The following DNMT1 variants were observed in gnomAD, a reference collection of about 807,000 sequenced individuals.
DNMT1 encodes DNA methyltransferase 1.
In DNMT1, 24 loss-of-function variants were observed where a neutral mutation model predicts 205.3. The ratio of observed to expected loss-of-function variants is 0.12; its 90% CI spans 0.08 to 0.16. The LOEUF (loss-of-function observed/expected upper bound fraction) is 0.16, where lower values mean the gene tolerates loss of function less well. DNMT1 is among the 10% of genes least tolerant of loss of function. The pLI is 1.00. For synonymous variants in DNMT1, 817 were observed against 839.8 expected (o/e 0.97, Z 0.47); for missense variants, 1,293 against 2,177.7 (o/e 0.59, Z 8.09).
chr19:10,145,534 T>G (rs1315288015), intron 28 of DNMT1, among the ~76,000 whole-genome samples: 4 of 152,186 alleles, frequency 2.6e-5, no homozygotes, highest in African/African-American at 9.7e-5. Flanking sequence ...TGGATCAGTG[T>G]GGAAACGATC....
chr19:10,141,437 G>A (rs1286810377), intron 30 of DNMT1: 2 of 510,758 alleles, frequency 3.9e-6, no homozygotes, highest in South Asian at 4.1e-5. Context: ...GTACCTTCTA[G>A]AACAGGAAAA....
intron 30 of DNMT1, chr19:10,141,404 A>G (rs896100716): frequency 2.3e-5 from 13 of 574,144 alleles, no homozygotes; most frequent in Admixed American, 2.2e-4. Flanking sequence ...TGACACTGAA[A>G]TGCCTATTAC....
rs1241869006 is a variant in DNMT1 at position 10,140,700 on chromosome 19, C to T, written c.3523+81G>A. The stretch of plus-strand genomic sequence containing the variant: ...GAGATTCTTGAGTCAGGAAGGTGAC[C>T]GGGGTTGGAAGTCGTTTCAGGTAGC... On this transcript the variant is annotated intron_variant, in intron 32 of 40. Coordinates refer to ENST00000359526, the MANE Select transcript of DNMT1 (RefSeq NM_001130823.3). The surrounding 1 kb of genome is among the most constrained non-coding windows in gnomAD (Gnocchi z 8.4). The T allele has an allele frequency of 9.9e-6, 16 of 1,609,606 alleles. No homozygotes were observed. The highest frequency in any genetic ancestry group is 5.3e-5 in the African/African-American group (4 of 74,856).
chr19:10,186,920 AAGAG>A (rs1319222469), intron 1 of DNMT1, among the ~76,000 whole-genome samples: 1 of 151,786 alleles, frequency 6.6e-6, no homozygotes, highest in African/African-American at 2.4e-5. Context: ...CGGGATTCCC[AAGAG>A]AAAGGGTATA....
At position 10,137,723 on chromosome 19, in the gene DNMT1, G is replaced by A; in HGVS notation, c.4293+109C>T. On this transcript the variant is annotated intron_variant, in intron 36 of 40. Coordinates refer to ENST00000359526, the MANE Select transcript of DNMT1 (RefSeq NM_001130823.3). The surrounding 1 kb of genome is among the most constrained non-coding windows in gnomAD (Gnocchi z 6.4). ...AAAGGCTGAGGACTCGGGAGGAGGAGCCTGGGATCAGATTCCATGTCTCCC... is the reference window on the plus strand; with the variant it reads ...AAAGGCTGAGGACTCGGGAGGAGGAACCTGGGATCAGATTCCATGTCTCCC... 7.0e-7 allele frequency: 1 copy of A among 1,432,326 alleles called. No homozygotes were observed. Among genetic ancestry groups the A allele is most frequent in the Non-Finnish European group, 9.6e-7 (1 of 1,042,706 alleles). The allele number at this position is 1,432,326 out of a possible 1,614,324, so 88.7% of individuals were successfully genotyped here. A position where few individuals can be genotyped will look rare whatever the true frequency, so the allele number is the denominator to read the frequency against.
chr19:10,153,786 GC>G (rs2038398968), intron 22 of DNMT1, among the ~76,000 whole-genome samples: 1 of 152,158 alleles, frequency 6.6e-6, no homozygotes, highest in Admixed American at 6.6e-5. Context: ...CAAAAGCAAA[GC>G]CCTGAAGCCA....
chr19:10,144,224 AC>A, intron 28 of DNMT1: 4 of 510,734 alleles, frequency 7.8e-6, no homozygotes, highest in South Asian at 7.8e-5. Context: ...CCTGGCCAAC[AC>A]GGTAAAACCC....
At chr19:10,175,839 C>T (rs938005521) in intron 6 of DNMT1, among the ~76,000 whole-genome samples, 27 of 152,204 alleles carry the variant, frequency 1.8e-4, no homozygotes, top group Admixed American at 1.4e-3. Context: ...AGACCTCACA[C>T]ACCTTTCTGA....
chr19:10,156,059 T>A lies in DNMT1; in HGVS notation c.1400-114A>T, dbSNP rs776092085. On this transcript the variant is annotated intron_variant, in intron 18 of 40. Transcript: ENST00000359526. The surrounding 1 kb of genome is among the most constrained non-coding windows in gnomAD (Gnocchi z 4.2). ...ATCAGCCAGGTCGGGTGCTCCTCAG[T>A]CATCACAATGACTTGGCCTACAGCT... The A allele has an allele frequency of 2.8e-6, 3 of 1,082,670 alleles. No individual in the cohort carries two copies. The highest frequency in any genetic ancestry group is 4.1e-6 in the Non-Finnish European group (3 of 730,842). 67.1% of individuals were successfully genotyped at this position (1,082,670 alleles called of 1,614,324 possible).
intron 1 of DNMT1, among the ~76,000 whole-genome samples, chr19:10,193,009 C>T (rs10416200): frequency 0.13 from 20,233 of 151,932 alleles, 1,938 homozygotes; most frequent in East Asian, 0.4. Flanking sequence ...ATCACGCCAC[C>T]GCATTCCAGC....
At chr19:10,172,289 C>G (rs368544734) in intron 9 of DNMT1, among the ~76,000 whole-genome samples, 1 of 151,542 alleles carries the variant, frequency 6.6e-6, no homozygotes, top group African/African-American at 2.4e-5. Context: ...GTGGCAGGCA[C>G]CTGTAATCCC....
At chr19:10,174,877 G>A (rs754606043) in intron 7 of DNMT1, among the ~76,000 whole-genome samples, 6 of 151,358 alleles carry the variant, frequency 4.0e-5, no homozygotes, top group Non-Finnish European at 7.4e-5. Context: ...GCAACATGGT[G>A]AAACCCCATC....
rs748857160 is a variant in DNMT1 at position 10,146,659 on chromosome 19, G to T, written c.2721-135C>A. 4 of 1,141,372 alleles carry T rather than the reference G, an allele frequency of 3.5e-6. No individual in the cohort carries two copies. Among genetic ancestry groups the T allele is most frequent in the South Asian group, 1.4e-5 (1 of 71,270 alleles). The allele number at this position is 1,141,372 out of a possible 1,614,324, so 70.7% of individuals were successfully genotyped here. A position where few individuals can be genotyped will look rare whatever the true frequency, so the allele number is the denominator to read the frequency against. On this transcript the variant is annotated intron_variant, in intron 27 of 40. Transcript: ENST00000359526. The surrounding 1 kb of genome is among the most constrained non-coding windows in gnomAD (Gnocchi z 4.4). ...TTTGCAGATGCTAGAAGGAAGAGGT[G>T]GCTTTCTTGTGCTTTGTGTTGACAT...
chr19:10,152,758 TCAACAA>T (rs372179811), intron 22 of DNMT1, among the ~76,000 whole-genome samples: 93 of 150,750 alleles, frequency 6.2e-4, no homozygotes, highest in African/African-American at 1.9e-3. Context: ...GAGACCCATC[TCAACAA>T]CAACAACAAC....
At chr19:10,179,852 T>G in intron 5 of DNMT1, 1 of 165,254 alleles carries the variant, frequency 6.1e-6, no homozygotes, top group Non-Finnish European at 1.3e-5. Context: ...TAGCTGGGCA[T>G]GGTGGTGCCC....
rs201413032 is a variant in DNMT1, at chr19:10,149,442, C to G, written c.2586+11G>C. On this transcript the variant is annotated intron_variant, in intron 26 of 40. Transcript: ENST00000359526. ...TAAGGCAGGGGCTCACGAGGGACAC[C>G]AGGCACTCACCTCCATGGCCCAGTT... 194 of 1,613,942 alleles carry G rather than the reference C, an allele frequency of 1.2e-4. No individual in the cohort carries two copies. Among genetic ancestry groups the G allele is most frequent in the Non-Finnish European group, 1.6e-4 (187 of 1,179,980 alleles).
chr19:10,154,391 A>G lies in DNMT1; in HGVS notation c.1921T>C (p.Tyr641His). Residue 641 changes from tyrosine to histidine, a missense_variant, in exon 22 of 41, where the codon TAC becomes CAC. Around this residue, in one of 13 missense-constraint regions of DNMT1, gnomAD observed 197 missense variants for 353.6 expected, o/e 0.56. Transcript: ENST00000359526. The surrounding 1 kb of genome is among the most constrained non-coding windows in gnomAD (Gnocchi z 6.3). Reference sequence around the variant, plus strand: ...GCGAAGAAAGTATCGAAGATCTGGTAGACCAGCTTGGTGGTGGTGGCTTTC... The same window carrying G: ...GCGAAGAAAGTATCGAAGATCTGGTGGACCAGCTTGGTGGTGGTGGCTTTC... Reference protein sequence around the residue: ...PTKATTTKLVYQIFDTFFAEQ... With the variant: ...PTKATTTKLVHQIFDTFFAEQ... 1 of 1,614,248 alleles carries G rather than the reference A, an allele frequency of 6.2e-7. No individual in the cohort carries two copies. The highest frequency in any genetic ancestry group is 8.5e-7 in the Non-Finnish European group (1 of 1,180,044).
intron 5 of DNMT1, 46 bp from the exon 6 acceptor site, chr19:10,177,413 A>C (rs1464786124): frequency 6.4e-7 from 1 of 1,571,056 alleles, no homozygotes; most frequent in Admixed American, 1.8e-5. Context: ...AAAAGCCACT[A>C]TCAATAGAAA....
intron 39 of DNMT1, 114 bp downstream of exon 39, chr19:10,135,622 C>G (rs751026665): frequency 8.9e-7 from 1 of 1,118,128 alleles, no homozygotes; most frequent in Admixed American, 2.0e-5. Context: ...GATGGGGCTA[C>G]CCGGCAGCCA....
Sources: allele counts gnomAD v4.1 joint callset (sites outside exome capture counted in the v4.1 genomes callset), GRCh38; gene constraint gnomAD v4.1.1; regional missense constraint gnomAD v4.1.1; non-coding constraint Gnocchi (gnomAD v3.1); transcripts MANE v1.5; gene names NCBI Gene and HGNC (gene_info 2026-07-23, HGNC 2026-07-21).